Variants in SOX5 observed in about 807,000 individuals in gnomAD.
SOX5 encodes transcription factor SOX-5.
SOX5 carries 9 observed loss-of-function variants against 92.0 expected under a neutral mutation model. The observed-to-expected ratio is 0.10, with a 90% CI of 0.06 to 0.17. The LOEUF (loss-of-function observed/expected upper bound fraction) is 0.17, where lower values mean the gene tolerates loss of function less well. Ranked by LOEUF, SOX5 falls within the 10% of genes least tolerant of loss-of-function variation. SOX5 has a pLI of 1.00. For missense variants in SOX5, 642 were observed against 944.5 expected (o/e 0.68, Z 4.20); for synonymous variants, 344 against 336.3 (o/e 1.02, Z -0.25).
At chr12:23,887,915 A>ATG (rs1374110699) in intron 2 of SOX5, among the ~76,000 whole-genome samples, 5 of 79,666 alleles carry the variant, frequency 6.3e-5, no homozygotes, top group African/African-American at 1.0e-4. Context: ...TCCAGTGTGT[A>ATG]TATGTGTGTG....
intron 4 of SOX5, among the ~76,000 whole-genome samples, chr12:24,180,835 G>A (rs1471968208): frequency 6.6e-6 from 1 of 152,056 alleles, no homozygotes; most frequent in East Asian, 1.9e-4. Flanking sequence ...AGGAAAAATA[G>A]GACAAAGTCT....
rs150771686 is a variant in SOX5, at chr12:23,819,883, A to G, written c.481+26100T>C. 1.0e-3 allele frequency among the ~76,000 whole-genome samples: 154 copies of G among 152,320 alleles called. 1 individual carries two copies. Among genetic ancestry groups the G allele is most frequent in the African/African-American group, 3.5e-3 (147 of 41,576 alleles). On this transcript the variant is annotated intron_variant, in intron 3 of 14. Coordinates refer to ENST00000451604, the MANE Select transcript of SOX5 (RefSeq NM_006940.6). ...CTTTGCTATTGTGAATAGTGCTGCA[A>G]TAAACATATGTGTGCATGTGTCTTT...
intron 4 of SOX5, among the ~76,000 whole-genome samples, chr12:23,982,455 G>A (rs1391783): frequency 0.048 from 7,170 of 150,578 alleles, 612 homozygotes; most frequent in East Asian, 0.39. Context: ...ATGTATGAGA[G>A]TGTCTAGAGA....
chr12:24,022,523 T>C (rs555505725), intron 4 of SOX5, among the ~76,000 whole-genome samples: 39 of 152,250 alleles, frequency 2.6e-4, no homozygotes, highest in Non-Finnish European at 4.4e-4. Context: ...ACAATCAGAA[T>C]TGTGTAGCCA....
chr12:23,887,913 GTATA>G (rs796664603), intron 2 of SOX5, among the ~76,000 whole-genome samples: 3,029 of 124,926 alleles, frequency 0.024, 94 homozygotes, highest in African/African-American at 0.081. Flanking sequence ...GGTCCAGTGT[GTATA>G]TGTGTGTGTG....
chr12:24,497,218 G>A (rs751573659), intron 1 of SOX5, among the ~76,000 whole-genome samples: 1 of 152,196 alleles, frequency 6.6e-6, no homozygotes, highest in African/African-American at 2.4e-5. Flanking sequence ...CCAAATGGCT[G>A]CATCTCTCTC....
chr12:24,000,680 G>A (rs1247987606), intron 4 of SOX5, among the ~76,000 whole-genome samples: 1 of 151,988 alleles, frequency 6.6e-6, no homozygotes, highest in African/African-American at 2.4e-5. Flanking sequence ...AAATGGAAAT[G>A]GCAGGTGTAT....
chr12:23,944,278 G>T (rs950282413), intron 1 of SOX5: 2 of 152,060 alleles, frequency 1.3e-5, no homozygotes, highest in Non-Finnish European at 2.9e-5. Flanking sequence ...TTGAGTCTCT[G>T]ACTCCTCAGG....
chr12:23,598,952 A>G (rs1952962649), intron 9 of SOX5, among the ~76,000 whole-genome samples: 1 of 152,192 alleles, frequency 6.6e-6, no homozygotes, highest in African/African-American at 2.4e-5. Flanking sequence ...TCGTACTGCT[A>G]GCATATTGCT....
chr12:23,602,583 A>G (rs181712271), intron 9 of SOX5, among the ~76,000 whole-genome samples: 7 of 152,234 alleles, frequency 4.6e-5, no homozygotes, highest in Admixed American at 2.6e-4. Flanking sequence ...AGTGAGCTAC[A>G]TATCCTAAAA....
At chr12:24,054,831 G>A (rs1300916253) in intron 4 of SOX5, among the ~76,000 whole-genome samples, 1 of 152,220 alleles carries the variant, frequency 6.6e-6, no homozygotes, top group Non-Finnish European at 1.5e-5. Flanking sequence ...TAAATTGGGG[G>A]AGAAGAGGTA....
intron 1 of SOX5, among the ~76,000 whole-genome samples, chr12:24,526,117 G>C (rs1950689923): frequency 6.6e-6 from 1 of 152,078 alleles, no homozygotes; most frequent in African/African-American, 2.4e-5. Context: ...CAAATGCTAG[G>C]ATTACAGGTG....
intron 3 of SOX5, among the ~76,000 whole-genome samples, chr12:24,258,523 T>C (rs1242037529): frequency 6.6e-6 from 1 of 152,204 alleles, no homozygotes; most frequent in Non-Finnish European, 1.5e-5. Context: ...TTACCTGTTA[T>C]TTGTTAGCAA....
chr12:23,924,726 T>G (rs1033594383), intron 1 of SOX5, among the ~76,000 whole-genome samples: 1 of 152,128 alleles, frequency 6.6e-6, no homozygotes, highest in Non-Finnish European at 1.5e-5. Flanking sequence ...TAGCAGGAAG[T>G]TGCTTCGCGT....
At chr12:24,484,851 C>G (rs151209938) in intron 1 of SOX5, among the ~76,000 whole-genome samples, 25 of 152,200 alleles carry the variant, frequency 1.6e-4, no homozygotes, top group African/African-American at 5.8e-4. Context: ...AAGTTTAAAT[C>G]TGGAGGTAGA....
At chr12:23,550,140 T>G (rs183820407) in intron 11 of SOX5, among the ~76,000 whole-genome samples, 126 of 152,090 alleles carry the variant, frequency 8.3e-4, no homozygotes, top group Non-Finnish European at 1.3e-3. Context: ...AAGAAATAGC[T>G]AAAGAGATAT....
intron 1 of SOX5, among the ~76,000 whole-genome samples, chr12:24,544,098 A>C (rs1182034280): frequency 1.3e-5 from 2 of 152,230 alleles, no homozygotes; most frequent in Non-Finnish European, 2.9e-5. Flanking sequence ...TAAAGCAACC[A>C]GTATCTCATG....
intron 3 of SOX5, among the ~76,000 whole-genome samples, chr12:23,775,988 C>T (rs755590077): frequency 3.3e-5 from 5 of 152,222 alleles, no homozygotes; most frequent in South Asian, 2.1e-4. Flanking sequence ...GGTTTCGAGA[C>T]GAAACTGCTT....
chr12:24,523,514 A>T (rs375731133), intron 1 of SOX5, among the ~76,000 whole-genome samples: 4 of 152,214 alleles, frequency 2.6e-5, no homozygotes, highest in Non-Finnish European at 4.4e-5. Flanking sequence ...GGCAATGAGA[A>T]CAGTATGCTA....
Sources: allele counts gnomAD v4.1 joint callset (sites outside exome capture counted in the v4.1 genomes callset), GRCh38; gene constraint gnomAD v4.1.1; transcripts MANE v1.5; gene names NCBI Gene and HGNC (gene_info 2026-07-23, HGNC 2026-07-21).